The following CALD1 variants were observed in gnomAD, a reference collection of about 807,000 sequenced individuals.
CALD1 encodes the protein caldesmon.
CALD1 carries 33 observed loss-of-function variants against 99.9 expected under a neutral mutation model. The ratio of observed to expected loss-of-function variants is 0.33; its 90% confidence interval spans 0.25 to 0.44. The LOEUF is 0.44. CALD1 is among the 20% of genes least tolerant of loss of function. The pLI is 1.00. For synonymous variants in CALD1, 310 were observed against 325.0 expected (o/e 0.95, Z 0.50); for missense variants, 861 against 962.1 (o/e 0.89, Z 1.39).
chr7:134,860,218 A>G (rs1800503342), intron 2 of CALD1, among the ~76,000 whole-genome samples: 1 of 152,224 alleles, frequency 6.6e-6, no homozygotes, highest in Non-Finnish European at 1.5e-5. Flanking sequence ...AAGATGGTGA[A>G]GGTTGAGCTA....
At chr7:134,884,963 G>C (rs904311809) in intron 3 of CALD1, among the ~76,000 whole-genome samples, 22 of 152,054 alleles carry the variant, frequency 1.4e-4, no homozygotes, top group Non-Finnish European at 2.8e-4. Flanking sequence ...TTTTGAGACA[G>C]AGTCTCATTC....
chr7:134,745,894 T>C (rs1437308546), intron 1 of CALD1, among the ~76,000 whole-genome samples: 2 of 152,248 alleles, frequency 1.3e-5, no homozygotes, highest in African/African-American at 2.4e-5. Flanking sequence ...TTGGAAGATT[T>C]TGGAAACCCT....
intron 1 of CALD1, among the ~76,000 whole-genome samples, chr7:134,821,612 T>C (rs1798781918): frequency 1.1e-5 from 1 of 88,818 alleles, no homozygotes; most frequent in Admixed American, 1.2e-4. Context: ...AGACAGAGTC[T>C]CGCTCCGTCA....
At chr7:134,864,404 C>CTTTT (rs34915812) in intron 2 of CALD1, among the ~76,000 whole-genome samples, 1 of 142,588 alleles carries the variant, frequency 7.0e-6, no homozygotes, top group Non-Finnish European at 1.5e-5. Flanking sequence ...TTTTTCTTTC[C>CTTTT]TTTTTTTTTT....
chr7:134,781,086 C>G (rs1797086859), intron 1 of CALD1, among the ~76,000 whole-genome samples: 2 of 152,140 alleles, frequency 1.3e-5, no homozygotes, highest in Admixed American at 1.3e-4. Context: ...AACAGAATTC[C>G]TTGTGAATTT....
intron 1 of CALD1, among the ~76,000 whole-genome samples, chr7:134,807,777 G>A (rs780757263): frequency 5.3e-5 from 8 of 152,050 alleles, no homozygotes; most frequent in African/African-American, 1.2e-4. Context: ...ACAGGTGCCC[G>A]CCACCATGCC....
At chr7:134,846,988 C>T (rs1305141402) in intron 2 of CALD1, among the ~76,000 whole-genome samples, 1 of 152,164 alleles carries the variant, frequency 6.6e-6, no homozygotes, top group Non-Finnish European at 1.5e-5. Context: ...TTGGGGTGTT[C>T]CAATGAATGA....
At chr7:134,893,159 T>G (rs908338050) in intron 3 of CALD1, among the ~76,000 whole-genome samples, 4 of 152,102 alleles carry the variant, frequency 2.6e-5, no homozygotes, top group African/African-American at 9.7e-5. Context: ...TCTCTGTGTC[T>G]CTCTTCTCTG....
At chr7:134,782,904 A>T (rs931441625) in intron 1 of CALD1, among the ~76,000 whole-genome samples, 2 of 152,122 alleles carry the variant, frequency 1.3e-5, no homozygotes, top group Admixed American at 1.3e-4. Context: ...GTCTATCCCA[A>T]TGTTGTCTGA....
the CALD1 span, among the ~76,000 whole-genome samples, chr7:134,727,669 A>G: frequency 6.6e-6 from 1 of 152,174 alleles, no homozygotes. Context: ...CTTCCTTCAC[A>G]TGCCGGCTCA....
chr7:134,753,226 G>A (rs892517516), intron 1 of CALD1, among the ~76,000 whole-genome samples: 3 of 152,000 alleles, frequency 2.0e-5, no homozygotes, highest in African/African-American at 7.2e-5. Context: ...TCCAGAAATT[G>A]TGATGACTTG....
At chr7:134,832,044 C>T (rs1380706935) in intron 1 of CALD1, among the ~76,000 whole-genome samples, 1 of 152,238 alleles carries the variant, frequency 6.6e-6, no homozygotes, top group African/African-American at 2.4e-5. Context: ...ATGCGTCTTC[C>T]GTAGGGTGGG....
intron 3 of CALD1, among the ~76,000 whole-genome samples, chr7:134,879,958 G>C (rs1314414860): frequency 6.6e-6 from 1 of 152,166 alleles, no homozygotes; most frequent in African/African-American, 2.4e-5. Flanking sequence ...CTACAAGCCT[G>C]TACATTCAGG....
At chr7:134,904,124 G>A (rs1486683973) in intron 3 of CALD1, among the ~76,000 whole-genome samples, 1 of 152,086 alleles carries the variant, frequency 6.6e-6, no homozygotes, top group Non-Finnish European at 1.5e-5. Flanking sequence ...TCGGGAGGCT[G>A]AGGCAAGAGA....
intron 1 of CALD1, among the ~76,000 whole-genome samples, chr7:134,773,908 C>T (rs937535797): frequency 3.3e-5 from 5 of 151,898 alleles, no homozygotes; most frequent in South Asian, 2.1e-4. Flanking sequence ...AGGTGGCTCA[C>T]GCCTGTAATC....
Sources: gnomAD v4.1 joint callset for allele counts (sites outside exome capture counted in the v4.1 genomes callset) on GRCh38, gnomAD v4.1.1 for gene constraint, MANE v1.5 for transcripts, NCBI Gene and HGNC (gene_info 2026-07-23, HGNC 2026-07-21) for gene names.